The following RRAS2 variants were observed in gnomAD, a reference collection of about 807,000 sequenced individuals.
The protein encoded by RRAS2 is ras-related protein R-Ras2.
In RRAS2, 7 loss-of-function variants were observed where a neutral mutation model predicts 27.6. The observed-to-expected ratio is 0.25, with a 90% CI of 0.14 to 0.48. The LOEUF is 0.48. Among genes scored for constraint, RRAS2 ranks in the 20% least tolerant of loss-of-function variants. RRAS2 has a pLI of 0.99. For missense variants in RRAS2, 178 were observed against 256.2 expected, an observed-to-expected ratio of 0.69 and a Z score of 2.08; for synonymous variants, 86 against 90.9, an observed-to-expected ratio of 0.95 and a Z score of 0.31.
intron 1 of RRAS2, among the ~76,000 whole-genome samples, chr11:14,304,577 G>T (rs1004203764): frequency 6.6e-6 from 1 of 152,196 alleles, no homozygotes; most frequent in African/African-American, 2.4e-5. Context: ...TATAAAACTC[G>T]ATTTACATGC....
chr11:14,336,770 G>C (rs940687282), intron 1 of RRAS2, among the ~76,000 whole-genome samples: 1 of 152,240 alleles, frequency 6.6e-6, no homozygotes, highest in Admixed American at 6.5e-5. Flanking sequence ...TAACTTCCAT[G>C]TTATCAGAGG....
intron 1 of RRAS2, among the ~76,000 whole-genome samples, chr11:14,325,942 A>G (rs2134003581): frequency 6.6e-6 from 1 of 152,322 alleles, no homozygotes; most frequent in East Asian, 1.9e-4. Context: ...AATGAGCAGC[A>G]ACTGATAGCA....
At chr11:14,282,997 T>G (rs1849581467) in intron 4 of RRAS2, among the ~76,000 whole-genome samples, 1 of 152,230 alleles carries the variant, frequency 6.6e-6, no homozygotes, top group Non-Finnish European at 1.5e-5. Flanking sequence ...TGACCTATTT[T>G]GGATCTTAGA....
At chr11:14,279,447 A>G (rs201542107) in intron 5 of RRAS2, 23 bp from the exon 6 acceptor site, 3 of 1,525,358 alleles carry the variant, frequency 2.0e-6, no homozygotes, top group Non-Finnish European at 1.8e-6. Context: ...AAATTCTAAA[A>G]TATAATTGCC....
Position 14,294,970 on chromosome 11 carries a change from A to G in RRAS2, c.197-108T>C, listed in dbSNP as rs182472603. On this transcript the variant is annotated intron_variant, in intron 2 of 5. Coordinates refer to ENST00000256196, the MANE Select transcript of RRAS2 (RefSeq NM_012250.6). ...CTCTAGAGAGCCTCATACTTGGTATAATACAGAAATGGCATTCCTTTCTTA... is the reference window on the plus strand; with the variant it reads ...CTCTAGAGAGCCTCATACTTGGTATGATACAGAAATGGCATTCCTTTCTTA... The G allele has an allele frequency of 2.4e-4, 198 of 813,224 alleles. 1 individual carries two copies. In the African/African-American group the frequency reaches 3.2e-3, roughly 13 times the overall value. 50.4% of individuals were successfully genotyped at this position (813,224 alleles called of 1,614,324 possible).
intron 1 of RRAS2, among the ~76,000 whole-genome samples, chr11:14,355,286 C>G (rs1849049032): frequency 6.6e-6 from 1 of 152,100 alleles, no homozygotes; most frequent in Non-Finnish European, 1.5e-5. Context: ...TCAAAGTCAC[C>G]TGGGTAGAGA....
intron 1 of RRAS2, chr11:14,354,364 T>C (rs1391931080): frequency 6.6e-6 from 1 of 152,224 alleles, no homozygotes; most frequent in Non-Finnish European, 1.5e-5. Flanking sequence ...TATATGGCCT[T>C]TTCTCAGAGT....
intron 1 of RRAS2, among the ~76,000 whole-genome samples, chr11:14,303,720 G>A (rs180789862): frequency 2.0e-4 from 31 of 152,252 alleles, no homozygotes; most frequent in Non-Finnish European, 3.1e-4. Flanking sequence ...TTGGGCTGGG[G>A]GATGTGAGGG....
Position 14,358,661 on chromosome 11 carries a change from G to A in RRAS2, c.108+102C>T, listed in dbSNP as rs1166493189. On this transcript the variant is annotated intron_variant, in intron 1 of 5. Coordinates refer to ENST00000256196, the MANE Select transcript of RRAS2 (RefSeq NM_012250.6). This position sits in a 1 kb window ranked among gnomAD's most constrained non-coding sequence, Gnocchi z 5.1. ...CCCCCTGGCCCCGGCCCGGGCCCGC[G>A]AGGCGCCTCTGGGGCGAGGTCGCGG... is the stretch of plus-strand genomic sequence containing the variant. 6 of 985,796 alleles carry A rather than the reference G, an allele frequency of 6.1e-6. No individual in the cohort carries two copies. Among genetic ancestry groups the A allele is most frequent in the African/African-American group, 1.8e-5 (1 of 56,896 alleles). 61.1% of individuals were successfully genotyped at this position (985,796 alleles called of 1,614,324 possible). A position where few individuals can be genotyped will look rare whatever the true frequency, so the allele number is the denominator to read the frequency against.
At chr11:14,285,946 G>A (rs1849651252) in intron 4 of RRAS2, among the ~76,000 whole-genome samples, 1 of 151,968 alleles carries the variant, frequency 6.6e-6, no homozygotes, top group African/African-American at 2.4e-5. Flanking sequence ...TGTGCTCCGG[G>A]TTTGTTGAGC....
intron 4 of RRAS2, among the ~76,000 whole-genome samples, chr11:14,288,086 C>A (rs987286606): frequency 5.9e-5 from 9 of 152,112 alleles, no homozygotes; most frequent in Non-Finnish European, 1.3e-4. Context: ...TCTCAGGTGA[C>A]CTTCCCACAT....
intron 1 of RRAS2, among the ~76,000 whole-genome samples, chr11:14,318,364 G>T (rs115705646): frequency 6.6e-6 from 1 of 152,062 alleles, no homozygotes; most frequent in Non-Finnish European, 1.5e-5. Flanking sequence ...TTAGCAGGGC[G>T]TAGTTGCGCA....
intron 1 of RRAS2, among the ~76,000 whole-genome samples, chr11:14,348,022 A>G (rs2134032041): frequency 6.6e-6 from 1 of 152,274 alleles, no homozygotes; most frequent in South Asian, 2.1e-4. Flanking sequence ...GGCCTAACCT[A>G]AATTTATCAA....
chr11:14,293,124 AAT>A (rs781860601), intron 4 of RRAS2, among the ~76,000 whole-genome samples: 4,252 of 76,598 alleles, frequency 0.056, 152 homozygotes, highest in East Asian at 0.099. Context: ...AAACAAAACA[AAT>A]ATATATATAT....
chr11:14,316,741 CA>C (rs1465309732), intron 1 of RRAS2, among the ~76,000 whole-genome samples: 5 of 152,150 alleles, frequency 3.3e-5, no homozygotes, highest in African/African-American at 7.2e-5. Context: ...GACCCTGTTT[CA>C]AAACAATCCA....
chr11:14,324,173 T>C (rs1848293677), intron 1 of RRAS2, among the ~76,000 whole-genome samples: 1 of 151,848 alleles, frequency 6.6e-6, no homozygotes, highest in African/African-American at 2.4e-5. Flanking sequence ...CAGGAAACAA[T>C]ATACATAATA....
At chr11:14,284,697 G>T (rs1849617864) in intron 4 of RRAS2, among the ~76,000 whole-genome samples, 1 of 152,144 alleles carries the variant, frequency 6.6e-6, no homozygotes, top group East Asian at 1.9e-4. Context: ...GTTTGGGACT[G>T]TTATGTCCTC....
At chr11:14,349,210 T>A (rs1848899815) in intron 1 of RRAS2, among the ~76,000 whole-genome samples, 1 of 150,082 alleles carries the variant, frequency 6.7e-6, no homozygotes, top group Admixed American at 6.7e-5. Context: ...TGGACTGCAG[T>A]GGCGCGACTT....
chr11:14,313,162 CA>C (rs1237139907), intron 1 of RRAS2, among the ~76,000 whole-genome samples: 1 of 152,124 alleles, frequency 6.6e-6, no homozygotes, highest in Non-Finnish European at 1.5e-5. Flanking sequence ...TAAAAATACC[CA>C]AGTACGTAGG....
Sources: gnomAD v4.1 joint callset for allele counts (sites outside exome capture counted in the v4.1 genomes callset) on GRCh38, gnomAD v4.1.1 for gene constraint, Gnocchi (gnomAD v3.1) non-coding constraint, MANE v1.5 for transcripts, NCBI Gene and HGNC (gene_info 2026-07-23, HGNC 2026-07-21) for gene names.